NDRG3: variants seen among roughly 807,000 people sequenced by gnomAD.
NDRG3 encodes the protein protein NDRG3.
In NDRG3, 23 loss-of-function variants were observed where a neutral mutation model predicts 57.2. That is an observed-to-expected ratio of 0.40 (90% CI 0.29 to 0.57). The LOEUF (loss-of-function observed/expected upper bound fraction) is 0.57, where lower values mean the gene tolerates loss of function less well. Ranked by LOEUF, NDRG3 falls within the 20% of genes least tolerant of loss-of-function variation. The pLI is 0.42. For synonymous variants in NDRG3, 132 were observed against 162.6 expected (o/e 0.81, Z 1.43); for missense variants, 384 against 457.3 (o/e 0.84, Z 1.46).
At position 36,653,531 on chromosome 20, in the gene NDRG3, C is replaced by A; in HGVS notation, c.1117G>T (p.Val373Leu). The change falls in exon 16 of 16, where the codon GTG (valine) becomes TTG (leucine). Residue 373 changes from valine (V) to leucine (L), a missense_variant. Val to Leu is a conservative substitution (Grantham distance 32). Coordinates refer to ENST00000349004, the MANE Select transcript of NDRG3 (RefSeq NM_032013.4). This position sits in a 1 kb window ranked among gnomAD's most constrained non-coding sequence, Gnocchi z 4.2. ...GGAGGAGCATCTGCTTAGCAGGACA[C>A]CTCCATGGTCTGGTGTCTGTCCAGG... ...DVLDRHQTME[V>L]SC is the part of the protein sequence containing the mutation. 1.2e-6 allele frequency: 2 copies of A among 1,614,010 alleles called. No individual in the cohort carries two copies. Among genetic ancestry groups the A allele is most frequent in the Non-Finnish European group, 8.5e-7 (1 of 1,179,926 alleles).
At chr20:36,670,397 T>C (rs1980043315) in intron 9 of NDRG3, among the ~76,000 whole-genome samples, 1 of 152,202 alleles carries the variant, frequency 6.6e-6, no homozygotes, top group Non-Finnish European at 1.5e-5. Flanking sequence ...ATAAGCCCTA[T>C]AGAACTTCTC....
intron 3 of NDRG3, among the ~76,000 whole-genome samples, chr20:36,693,526 C>T (rs1600910431): frequency 6.6e-6 from 1 of 151,908 alleles, no homozygotes; most frequent in East Asian, 1.9e-4. Context: ...TGGTACCAGT[C>T]TGTGCCCTCT....
chr20:36,665,146 T>G, intron 11 of NDRG3, 49 bp from the exon 12 acceptor site: 1 of 1,609,834 alleles, frequency 6.2e-7, no homozygotes, highest in East Asian at 2.2e-5. Context: ...GCACATAAAT[T>G]CCACTGAACA....
At chr20:36,661,266 C>A (rs1393508446) in intron 12 of NDRG3, among the ~76,000 whole-genome samples, 2 of 152,162 alleles carry the variant, frequency 1.3e-5, no homozygotes, top group African/African-American at 4.8e-5. Context: ...AGAATCACAG[C>A]CCTGTGCATT....
rs557973405 is a variant in NDRG3 at position 36,745,560 on chromosome 20, T to C, written c.-49+485A>G. The stretch of plus-strand genomic sequence containing the variant: ...GCTAAGAAGCCTCTCCCCGGTAGGG[T>C]AGTCGTAGGGTCCCGTTAGAGGATG... On this transcript the variant is annotated intron_variant, in intron 1 of 15. Coordinates refer to ENST00000349004, the MANE Select transcript of NDRG3 (RefSeq NM_032013.4). 3.6e-3 allele frequency among the ~76,000 whole-genome samples: 550 copies of C among 152,064 alleles called. 5 individuals are homozygous for C. The highest frequency in any genetic ancestry group is 4.1e-3 in the Non-Finnish European group (279 of 67,974).
chr20:36,731,151 A>G (rs1985263609), intron 1 of NDRG3, among the ~76,000 whole-genome samples: 2 of 152,180 alleles, frequency 1.3e-5, no homozygotes, highest in Admixed American at 1.3e-4. Flanking sequence ...GGTGGGAGTG[A>G]GAATGAGTGA....
At chr20:36,735,935 T>C (rs527911831) in intron 1 of NDRG3, among the ~76,000 whole-genome samples, 6 of 146,302 alleles carry the variant, frequency 4.1e-5, no homozygotes, top group Non-Finnish European at 7.4e-5. Context: ...GATTGCACCA[T>C]TGCACTCCAG....
intron 3 of NDRG3, among the ~76,000 whole-genome samples, chr20:36,705,399 T>G (rs1983496162): frequency 6.6e-6 from 1 of 152,172 alleles, no homozygotes; most frequent in East Asian, 1.9e-4. Context: ...GTATTGAAGA[T>G]ACTGTATGTT....
intron 2 of NDRG3, among the ~76,000 whole-genome samples, chr20:36,719,705 C>T (rs1984484104): frequency 6.7e-6 from 1 of 149,390 alleles, no homozygotes; most frequent in Middle Eastern, 3.2e-3. Context: ...CATCTTTATC[C>T]TCACACTCCG....
chr20:36,707,101 C>T (rs1479782335), intron 2 of NDRG3, 94 bp from the exon 3 acceptor site: 1 of 1,153,922 alleles, frequency 8.7e-7, no homozygotes, highest in Non-Finnish European at 1.3e-6. Flanking sequence ...AGTGCATGTG[C>T]AGCCTCTTGG....
intron 2 of NDRG3, among the ~76,000 whole-genome samples, chr20:36,719,290 G>A (rs979251666): frequency 3.3e-5 from 5 of 151,978 alleles, no homozygotes; most frequent in African/African-American, 1.2e-4. Flanking sequence ...AGCTGGGCAT[G>A]GTGTTGCACA....
intron 9 of NDRG3, chr20:36,668,708 G>C (rs1294999746): frequency 6.6e-5 from 10 of 151,668 alleles, no homozygotes; most frequent in Admixed American, 6.6e-4. Flanking sequence ...TCAGTCTTAT[G>C]ACAATCCACT....
chr20:36,654,800 C>T (rs761981542), intron 15 of NDRG3: 22 of 779,626 alleles, frequency 2.8e-5, no homozygotes, highest in Middle Eastern at 2.2e-4. Context: ...GAGGAAGGTA[C>T]CTGACTCGGT....
chr20:36,710,699 C>T (rs2005002), intron 2 of NDRG3, among the ~76,000 whole-genome samples: 4,282 of 151,230 alleles, frequency 0.028, 239 homozygotes, highest in African/African-American at 0.099. Flanking sequence ...CCCAGCTACT[C>T]GGGAGGCTGA....
chr20:36,700,897 C>A (rs961177028), intron 3 of NDRG3, among the ~76,000 whole-genome samples: 5 of 152,126 alleles, frequency 3.3e-5, no homozygotes, highest in Non-Finnish European at 7.3e-5. Flanking sequence ...CCTCAGCCCC[C>A]CAAGTAGCTT....
At chr20:36,744,683 T>C (rs1002569303) in intron 1 of NDRG3, among the ~76,000 whole-genome samples, 6 of 152,228 alleles carry the variant, frequency 3.9e-5, no homozygotes, top group Non-Finnish European at 1.5e-5. Flanking sequence ...CATATTTTTA[T>C]AGCTGTTCAT....
At chr20:36,712,329 G>A (rs1221505746) in intron 2 of NDRG3, among the ~76,000 whole-genome samples, 1 of 150,492 alleles carries the variant, frequency 6.6e-6, no homozygotes, top group Non-Finnish European at 1.5e-5. Context: ...GCTCATTGGG[G>A]GCATTCTAAA....
Position 36,660,451 on chromosome 20 carries a change from G to C in NDRG3, c.811-67C>G. The C allele has an allele frequency of 2.5e-6, 3 of 1,199,338 alleles. No homozygotes were observed. The South Asian group carries it at 3.7e-5, about 15-fold the overall frequency. 74.3% of individuals were successfully genotyped at this position (1,199,338 alleles called of 1,614,324 possible). A position where few individuals can be genotyped will look rare whatever the true frequency, so the allele number is the denominator to read the frequency against. On this transcript the variant is annotated intron_variant, in intron 12 of 15. Transcript: ENST00000349004. ...CTAGGAAAAAAAACGAAATAGCTCGGTATGAGAATCATCTTGCAAGATCAA... is the reference window on the plus strand; with the variant it reads ...CTAGGAAAAAAAACGAAATAGCTCGCTATGAGAATCATCTTGCAAGATCAA...
chr20:36,699,120 T>C (rs185999343), intron 3 of NDRG3, among the ~76,000 whole-genome samples: 2 of 152,190 alleles, frequency 1.3e-5, no homozygotes, highest in Admixed American at 1.3e-4. Context: ...TTTTATTTTT[T>C]AGATTTCTTG....
Sources: gnomAD v4.1 joint callset for allele counts (sites outside exome capture counted in the v4.1 genomes callset) on GRCh38, gnomAD v4.1.1 for gene constraint, Gnocchi (gnomAD v3.1) non-coding constraint, MANE v1.5 for transcripts, NCBI Gene and HGNC (gene_info 2026-07-23, HGNC 2026-07-21) for gene names.